The following SYT14 variants were observed in gnomAD, a reference collection of about 807,000 sequenced individuals.
SYT14 encodes synaptotagmin 14, also known as synaptotagmin-14.
In SYT14, 32 loss-of-function variants were observed where a neutral mutation model predicts 74.2. The ratio of observed to expected loss-of-function variants is 0.43; its 90% CI spans 0.33 to 0.58. The LOEUF (loss-of-function observed/expected upper bound fraction) is 0.58, where lower values mean the gene tolerates loss of function less well. Among genes scored for constraint, SYT14 ranks in the 20% least tolerant of loss-of-function variants. The probability of loss-of-function intolerance (pLI) is 0.05; values close to 1 mark genes in which losing one functional copy is unlikely to be tolerated. For missense variants in SYT14, 791 were observed against 981.8 expected, an observed-to-expected ratio of 0.81 and a Z score of 2.60; for synonymous variants, 298 against 337.7, an observed-to-expected ratio of 0.88 and a Z score of 1.29.
chr1:209,938,384 T>G, intron 1 of SYT14, 107 bp downstream of exon 1: 2 of 1,213,990 alleles, frequency 1.6e-6, no homozygotes, highest in Non-Finnish European at 2.3e-6. Flanking sequence ...CCTCCTGTGG[T>G]CTGGAGCCGG....
intron 5 of SYT14, among the ~76,000 whole-genome samples, chr1:210,065,122 T>G (rs752857431): frequency 4.6e-5 from 7 of 152,068 alleles, no homozygotes; most frequent in Non-Finnish European, 1.0e-4. Context: ...ATTGGGTTGT[T>G]TTGAGTTGTT....
chr1:209,974,682 C>T (rs1340864201), intron 2 of SYT14, among the ~76,000 whole-genome samples: 1 of 151,952 alleles, frequency 6.6e-6, no homozygotes, highest in African/African-American at 2.4e-5. Flanking sequence ...ATAGGATTGA[C>T]TTGGCAATGC....
At chr1:210,009,716 C>T (rs2102907726) in intron 2 of SYT14, among the ~76,000 whole-genome samples, 1 of 152,236 alleles carries the variant, frequency 6.6e-6, no homozygotes, top group East Asian at 1.9e-4. Flanking sequence ...GAACATCATA[C>T]TCATATTTCC....
chr1:210,003,054 A>G (rs1307207033), intron 2 of SYT14, among the ~76,000 whole-genome samples: 1 of 152,198 alleles, frequency 6.6e-6, no homozygotes, highest in African/African-American at 2.4e-5. Context: ...TTTTTCTACA[A>G]AATTGATTGG....
chr1:210,087,761 C>A (rs1258000911), intron 5 of SYT14, among the ~76,000 whole-genome samples: 2 of 152,190 alleles, frequency 1.3e-5, no homozygotes, highest in Non-Finnish European at 2.9e-5. Context: ...TGTCATCTCA[C>A]TGGGGCCCAG....
intron 5 of SYT14, among the ~76,000 whole-genome samples, chr1:210,040,191 A>AG (rs2080756938): frequency 6.6e-6 from 1 of 152,176 alleles, no homozygotes; most frequent in Non-Finnish European, 1.5e-5. Context: ...ATGCAGCCAT[A>AG]AAAAGGATGA....
chr1:210,125,692 A>G (rs1298565441), intron 7 of SYT14, among the ~76,000 whole-genome samples: 1 of 152,140 alleles, frequency 6.6e-6, no homozygotes, highest in Non-Finnish European at 1.5e-5. Flanking sequence ...TAAAATACCC[A>G]AAGTGATTTC....
intron 2 of SYT14, among the ~76,000 whole-genome samples, chr1:209,963,545 G>A (rs1054086874): frequency 2.0e-5 from 3 of 152,086 alleles, no homozygotes; most frequent in Admixed American, 6.5e-5. Flanking sequence ...TGTATGGCTG[G>A]GATCTTTTGA....
chr1:210,004,581 T>C (rs1211836544), intron 2 of SYT14, among the ~76,000 whole-genome samples: 3 of 152,024 alleles, frequency 2.0e-5, no homozygotes, highest in Non-Finnish European at 4.4e-5. Flanking sequence ...TGGTGGCTGG[T>C]GACCCTTGTA....
intron 5 of SYT14, among the ~76,000 whole-genome samples, chr1:210,050,128 C>G (rs1305410264): frequency 6.6e-6 from 1 of 152,142 alleles, no homozygotes; most frequent in Non-Finnish European, 1.5e-5. Context: ...TGCTCTGTTT[C>G]CCTTTTAAAA....
chr1:209,979,880 G>A (rs1295747454), intron 2 of SYT14, among the ~76,000 whole-genome samples: 2 of 152,074 alleles, frequency 1.3e-5, no homozygotes, highest in East Asian at 1.9e-4. Context: ...TTGATTCCAC[G>A]TCTTTGCTAT....
chr1:210,068,052 C>A (rs1221787244), intron 5 of SYT14, among the ~76,000 whole-genome samples: 1 of 151,824 alleles, frequency 6.6e-6, no homozygotes, highest in Non-Finnish European at 1.5e-5. Flanking sequence ...TAATGTTTGC[C>A]TTTTATGATG....
intron 5 of SYT14, among the ~76,000 whole-genome samples, chr1:210,058,598 G>A (rs1472058576): frequency 6.6e-6 from 1 of 152,164 alleles, no homozygotes; most frequent in African/African-American, 2.4e-5. Flanking sequence ...CGTGACTGCA[G>A]AGGCTGAGAT....
intron 2 of SYT14, among the ~76,000 whole-genome samples, chr1:209,976,992 T>G (rs12085298): frequency 5.9e-5 from 9 of 152,196 alleles, no homozygotes; most frequent in African/African-American, 1.9e-4. Flanking sequence ...TCTTTGTTGG[T>G]TTAAAGTCTA....
At chr1:210,114,848 G>A (rs756013162) in intron 7 of SYT14, among the ~76,000 whole-genome samples, 3 of 151,028 alleles carry the variant, frequency 2.0e-5, no homozygotes, top group Non-Finnish European at 4.4e-5. Flanking sequence ...AGGAAGAATT[G>A]GGACCTGGCT....
chr1:210,094,355 C>T lies in SYT14; in HGVS notation c.1346C>T (p.Pro449Leu), dbSNP rs77686387. 3.6e-4 allele frequency: 581 copies of T among 1,613,852 alleles called. 2 individuals carry two copies. In the East Asian group the frequency reaches 4.7e-3, roughly 13 times the overall value. Reference sequence around the variant, plus strand: ...ATTCAGAGAATGAGAAGAACACCCCCGCTGGATGAATTGCAGCCACCACCA... The same window carrying T: ...ATTCAGAGAATGAGAAGAACACCCCTGCTGGATGAATTGCAGCCACCACCA... The change falls in exon 6 of 10, where the codon CCG becomes CTG. Residue 449 changes from proline to leucine, a missense_variant. Physicochemically the swap from Pro to Leu is moderately conservative, Grantham distance 98 (BLOSUM62 -3). Transcript: ENST00000637265.
intron 5 of SYT14, among the ~76,000 whole-genome samples, chr1:210,048,263 C>T (rs184416555): frequency 1.2e-4 from 18 of 152,212 alleles, no homozygotes; most frequent in East Asian, 9.6e-4. Flanking sequence ...TCACTCAAAC[C>T]GACTCCCACA....
chr1:210,116,803 A>G (rs12089327), intron 7 of SYT14, among the ~76,000 whole-genome samples: 7,363 of 152,164 alleles, frequency 0.048, 1,007 homozygotes, highest in East Asian at 0.41. Flanking sequence ...CATAGTATCT[A>G]AAACACAGGT....
At chr1:210,100,618 A>C (rs1397318491) in intron 7 of SYT14, among the ~76,000 whole-genome samples, 157 bp downstream of exon 6, 1 of 152,198 alleles carries the variant, frequency 6.6e-6, no homozygotes, top group Non-Finnish European at 1.5e-5. Flanking sequence ...GGATAGATAG[A>C]TATACTTTTT....
Sources: gnomAD v4.1 joint callset for allele counts (sites outside exome capture counted in the v4.1 genomes callset) on GRCh38, gnomAD v4.1.1 for gene constraint, MANE v1.5 for transcripts, NCBI Gene and HGNC (gene_info 2026-07-23, HGNC 2026-07-21) for gene names.